NBPF12: variants seen among roughly 807,000 people sequenced by gnomAD.
The protein encoded by NBPF12 is NBPF member 12.
A neutral mutation model predicts 146.4 loss-of-function variants in NBPF12; 115 were observed. That is an observed-to-expected ratio of 0.79 (90% CI 0.68 to 0.92). The LOEUF (loss-of-function observed/expected upper bound fraction) is 0.92, where lower values mean the gene tolerates loss of function less well. Among genes scored for constraint, NBPF12 ranks in the 40% least tolerant of loss-of-function variants. NBPF12 has a pLI of 0.00. For missense variants in NBPF12, 1,205 were observed against 1,326.8 expected (o/e 0.91, Z 1.43); for synonymous variants, 385 against 508.9 (o/e 0.76, Z 3.28).
At position 146,939,020 on chromosome 1, in the gene NBPF12, T is replaced by G. The variant is rs1654655817; in HGVS notation, c.-822+38T>G. Reference sequence around the variant, plus strand: ...CGCCAGGCCGGGCGGCAGGTGAGTCTGGGACCTGCGGGCGCACAGCTGGGC... The same window carrying G: ...CGCCAGGCCGGGCGGCAGGTGAGTCGGGGACCTGCGGGCGCACAGCTGGGC... On this transcript the variant is annotated intron_variant, in intron 1 of 35. Coordinates refer to the NBPF12 transcript ENST00000617931. The G allele has an allele frequency of 6.6e-6, 1 of 152,296 alleles. No individual in the cohort carries two copies. The highest frequency in any genetic ancestry group is 2.4e-5 in the African/African-American group (1 of 41,386). 9.4% of individuals were successfully genotyped at this position (152,296 alleles called of 1,614,324 possible).
chr1:146,943,947 C>T (rs1171562762), intron 2 of NBPF12, among the ~76,000 whole-genome samples: 2 of 141,140 alleles, frequency 1.4e-5, no homozygotes, highest in South Asian at 2.6e-4. Flanking sequence ...TTTCATGGCT[C>T]ACCCCCTCCC....
rs1210189364 is a variant in NBPF12, at chr1:146,963,269, G to A, written c.453G>A (p.Gly151=). The change falls in exon 6 of 34, where the codon GGG becomes GGA. Residue 151 remains glycine, a synonymous_variant. Coordinates refer to ENST00000617844, the Ensembl canonical transcript of NBPF12. ...ACCTCCAAGAACAGCTGGCTGAGGG[G>A]TGTAGACTGGCACAGCAACTTGTCC... 75 of 1,611,968 alleles carry A rather than the reference G, an allele frequency of 4.7e-5. 1 individual carries two copies. The African/African-American group carries it at 9.1e-4, about 20-fold the overall frequency.
chr1:146,965,161 C>A (rs1462734075), intron 8 of NBPF12, 57 bp downstream of exon 11: 8 of 1,002,132 alleles, frequency 8.0e-6, no homozygotes, highest in East Asian at 4.7e-5. Context: ...AAGATCAATT[C>A]TGAGGACAGG....
chr1:146,972,949 A>G (rs1553886822), exon 14 of NBPF12: 3 of 926,040 alleles, frequency 3.2e-6, no homozygotes, highest in South Asian at 1.3e-5. Context: ...GCCAAGCAGC[A>G]GAACAAATAC....
intron 2 of NBPF12, among the ~76,000 whole-genome samples, chr1:146,956,231 A>G (rs1655580589): frequency 6.6e-6 from 1 of 151,930 alleles, no homozygotes; most frequent in Non-Finnish European, 1.5e-5. Context: ...TTTTAAAATT[A>G]CATTGATGCA....
rs1656052993 is a variant in NBPF12 at position 146,964,321 on chromosome 1, G to A, written c.494-36G>A. On this transcript the variant is annotated intron_variant, in intron 6 of 33. Coordinates refer to ENST00000617844, the Ensembl canonical transcript of NBPF12. ...GCTGACTGTGCTTGCAGAATGTGAA[G>A]TGGGACATATCTGAATGAACATTTT... 2.5e-6 allele frequency: 4 copies of A among 1,599,814 alleles called. No individual in the cohort carries two copies. The African/African-American group carries it at 4.1e-5, about 16-fold the overall frequency.
intron 13 of NBPF12, among the ~76,000 whole-genome samples, chr1:146,971,861 C>T (rs1553886517): frequency 0.013 from 1,858 of 147,882 alleles, 103 homozygotes; most frequent in African/African-American, 0.045. Flanking sequence ...GGGTGGATCA[C>T]GAGGTCAGGA....
chr1:146,973,484 A>T (rs1193796163), intron 14 of NBPF12, among the ~76,000 whole-genome samples: 2 of 149,244 alleles, frequency 1.3e-5, no homozygotes, highest in African/African-American at 5.0e-5. Flanking sequence ...TCTATAAGTG[A>T]CAGCATCAAG....
upstream of NBPF12, among the ~76,000 whole-genome samples, chr1:146,938,351 A>C (rs1654625870): frequency 6.6e-6 from 1 of 152,090 alleles, no homozygotes. Context: ...GCGGTGCGGC[A>C]GCGCGAAGCC....
intron 11 of NBPF12, 144 bp from the exon 15 acceptor site, chr1:146,970,503 G>C: frequency 3.5e-6 from 4 of 1,157,086 alleles, no homozygotes; most frequent in Non-Finnish European, 3.8e-6. Context: ...ACCATGCCAG[G>C]GCATTTTGTG....
chr1:146,994,940 A>G, exon 34 of NBPF12: 1 of 361,736 alleles, frequency 2.8e-6, no homozygotes, highest in Admixed American at 4.1e-5. Flanking sequence ...TGTTTAGTTC[A>G]TCCAAAGGTG....
Position 146,938,912 on chromosome 1 carries a change from G to T in NBPF12, c.-892G>T, listed in dbSNP as rs1654650306. Reference sequence around the variant, plus strand: ...CCTGCGGCGCCAGGAGCGGGGCCGAGGTACGGCGGCACGGCTGCAGCCTGG... The same window carrying T: ...CCTGCGGCGCCAGGAGCGGGGCCGATGTACGGCGGCACGGCTGCAGCCTGG... On this transcript the variant is annotated 5_prime_UTR_variant, in exon 1 of 36. It adds an upstream start codon to the 5' untranslated region. Transcript: ENST00000617931. 6.6e-6 allele frequency: 1 copy of T among 152,102 alleles called. No homozygotes were observed. The highest frequency in any genetic ancestry group is 2.4e-5 in the African/African-American group (1 of 41,356). 9.4% of individuals were successfully genotyped at this position (152,102 alleles called of 1,614,324 possible).
rs1656288803 is a variant in NBPF12, at chr1:146,967,592, T to A, written c.989-856T>A. Among the ~76,000 whole-genome samples the A allele has an allele frequency of 7.3e-5, 11 of 150,400 alleles. No homozygotes were observed. The South Asian group carries it at 2.3e-3, about 32-fold the overall frequency. On this transcript the variant is annotated intron_variant, in intron 9 of 33. Coordinates refer to ENST00000617844, the Ensembl canonical transcript of NBPF12. ...TGCTTCCTGGGGCACAGAGTCTTGT[T>A]CCTAAAGAGGAAGAAAGATCGCACC...
chr1:146,964,298 T>G, intron 6 of NBPF12, 59 bp from the exon 10 acceptor site: 1 of 1,594,304 alleles, frequency 6.3e-7, no homozygotes. Flanking sequence ...CACGTTGGGC[T>G]GACTGTGCTT....
chr1:146,975,752 T>C, exon 16 of NBPF12: 1 of 873,428 alleles, frequency 1.1e-6, no homozygotes, highest in Non-Finnish European at 1.9e-6. Context: ...AAGGGAGAGA[T>C]GCCTCCCGCT....
At chr1:146,946,197 CGTCTT>C (rs1655057160), upstream of NBPF12, among the ~76,000 whole-genome samples, 2 of 151,638 alleles carry the variant, frequency 1.3e-5, no homozygotes, top group Non-Finnish European at 2.9e-5. Flanking sequence ...TGGTGAAAGA[CGTCTT>C]GGGTACTTCC....
chr1:146,984,720 A>T (rs1470969450), intron 21 of NBPF12, 93 bp from the exon 25 acceptor site: 20 of 812,300 alleles, frequency 2.5e-5, no homozygotes, highest in Admixed American at 1.1e-4. Context: ...TTTTCTTTTC[A>T]AACTCTTCCT....
At chr1:146,945,505 C>G (rs1223446465), upstream of NBPF12, among the ~76,000 whole-genome samples, 1 of 151,942 alleles carries the variant, frequency 6.6e-6, no homozygotes, top group African/African-American at 2.4e-5. Flanking sequence ...ATGGCATAGG[C>G]GTTGAAATCT....
chr1:146,944,003 GGGGAGATGTGTGT>G (rs1654914556), intron 2 of NBPF12, among the ~76,000 whole-genome samples: 1 of 129,030 alleles, frequency 7.8e-6, no homozygotes, highest in Non-Finnish European at 1.6e-5. Context: ...TGTCCTGGGT[GGGGAGATGTGTGT>G]GGTTTTAGGC....
Sources: gnomAD v4.1 joint callset for allele counts (sites outside exome capture counted in the v4.1 genomes callset) on GRCh38, gnomAD v4.1.1 for gene constraint, MANE v1.5 for transcripts, NCBI Gene and HGNC (gene_info 2026-07-23, HGNC 2026-07-21) for gene names.